The following PTPRD variants were observed in gnomAD, a reference collection of about 807,000 sequenced individuals.
PTPRD encodes the protein protein tyrosine phosphatase receptor type D.
In PTPRD, 34 loss-of-function variants were observed where a neutral mutation model predicts 214.5. The observed-to-expected ratio is 0.16, with a 90% CI of 0.12 to 0.21. PTPRD has a LOEUF of 0.21. Ranked by LOEUF, PTPRD falls within the 10% of genes least tolerant of loss-of-function variation. The probability of loss-of-function intolerance (pLI) is 1.00; values close to 1 mark genes in which losing one functional copy is unlikely to be tolerated. For missense variants in PTPRD, 2,545 were observed against 2,398.7 expected, an observed-to-expected ratio of 1.06 and a Z score of -1.27; for synonymous variants, 1,128 against 845.7, an observed-to-expected ratio of 1.33 and a Z score of -5.79.
intron 14 of PTPRD, among the ~76,000 whole-genome samples, chr9:8,628,198 G>C (rs1010444023): frequency 2.0e-5 from 3 of 151,650 alleles, no homozygotes; most frequent in South Asian, 4.2e-4. Flanking sequence ...TTCACAGCGG[G>C]GACAACTGTG....
chr9:9,034,429 T>C (rs556129544), intron 10 of PTPRD, among the ~76,000 whole-genome samples: 1 of 152,302 alleles, frequency 6.6e-6, no homozygotes, highest in Non-Finnish European at 1.5e-5. Context: ...GGGTTTAAAA[T>C]ACCTGCACTA....
At chr9:9,454,374 G>C (rs1385144259) in intron 8 of PTPRD, among the ~76,000 whole-genome samples, 4 of 151,708 alleles carry the variant, frequency 2.6e-5, no homozygotes, top group African/African-American at 9.7e-5. Context: ...TCCAGTATGA[G>C]TTGGCTCTAG....
At chr9:9,849,374 T>A (rs1264130703) in intron 5 of PTPRD, among the ~76,000 whole-genome samples, 1 of 152,114 alleles carries the variant, frequency 6.6e-6, no homozygotes, top group East Asian at 1.9e-4. Context: ...GAGAAGATTC[T>A]GATTATCAAT....
chr9:10,384,034 G>C (rs1008321403), intron 2 of PTPRD, among the ~76,000 whole-genome samples: 4 of 150,004 alleles, frequency 2.7e-5, no homozygotes, highest in African/African-American at 4.9e-5. Flanking sequence ...GAGAAGGGTA[G>C]TGCAGGGACT....
intron 3 of PTPRD, among the ~76,000 whole-genome samples, chr9:10,234,622 G>A (rs184482749): frequency 0.012 from 1,595 of 127,868 alleles, 15 homozygotes; most frequent in Non-Finnish European, 0.021. Flanking sequence ...AAAACTTCTG[G>A]AAATGCATTG....
At chr9:8,677,097 G>A (rs1033645073) in intron 12 of PTPRD, among the ~76,000 whole-genome samples, 1 of 152,168 alleles carries the variant, frequency 6.6e-6, no homozygotes, top group South Asian at 2.1e-4. Context: ...CATAAAGGAT[G>A]TTGCACTTTA....
At chr9:10,372,027 G>A (rs16925898) in intron 2 of PTPRD, among the ~76,000 whole-genome samples, 3,868 of 152,122 alleles carry the variant, frequency 0.025, 99 homozygotes, top group East Asian at 0.095. Flanking sequence ...GGGGAGTAGG[G>A]CACAGACAAA....
intron 3 of PTPRD, among the ~76,000 whole-genome samples, chr9:10,325,965 C>A (rs1437412700): frequency 6.6e-6 from 1 of 151,818 alleles, no homozygotes; most frequent in East Asian, 1.9e-4. Context: ...GCTTTCAGAT[C>A]ATTTTGTTTT....
intron 8 of PTPRD, among the ~76,000 whole-genome samples, chr9:9,493,501 T>C (rs1396245168): frequency 6.6e-6 from 1 of 152,032 alleles, no homozygotes; most frequent in Non-Finnish European, 1.5e-5. Flanking sequence ...AAGAAATACA[T>C]TTTGTGTCCG....
intron 11 of PTPRD, among the ~76,000 whole-genome samples, chr9:8,812,378 A>G (rs953246080): frequency 6.6e-6 from 1 of 152,238 alleles, no homozygotes; most frequent in African/African-American, 2.4e-5. Context: ...AACATTACTT[A>G]TAGACCTAGG....
intron 3 of PTPRD, among the ~76,000 whole-genome samples, chr9:10,080,466 T>C (rs1287191411): frequency 6.6e-6 from 1 of 151,902 alleles, no homozygotes; most frequent in Non-Finnish European, 1.5e-5. Flanking sequence ...AGTAGAGAAA[T>C]TAGAAATGCA....
At chr9:9,839,300 A>T (rs1359044538) in intron 5 of PTPRD, among the ~76,000 whole-genome samples, 1 of 151,940 alleles carries the variant, frequency 6.6e-6, no homozygotes, top group African/African-American at 2.4e-5. Context: ...TATCTAGAAA[A>T]CCCCATTGTC....
At chr9:8,912,555 A>G (rs774757399) in intron 11 of PTPRD, among the ~76,000 whole-genome samples, 56 of 152,172 alleles carry the variant, frequency 3.7e-4, no homozygotes, top group Non-Finnish European at 6.5e-4. Flanking sequence ...GGAATGCTAC[A>G]AAGCCTGATT....
chr9:8,330,635 T>C (rs79696255), intron 44 of PTPRD, among the ~76,000 whole-genome samples: 6,149 of 152,188 alleles, frequency 0.04, 404 homozygotes, highest in African/African-American at 0.14. Context: ...CAAAGGATGC[T>C]AGAAGGGACT....
chr9:9,175,630 A>AC (rs145486992), intron 10 of PTPRD, among the ~76,000 whole-genome samples: 4,456 of 141,742 alleles, frequency 0.031, 292 homozygotes, highest in African/African-American at 0.09. Context: ...CTCAAAAAAA[A>AC]AAAAAAAAAA....
chr9:10,371,995 A>C (rs2097634265), intron 2 of PTPRD, among the ~76,000 whole-genome samples: 1 of 152,078 alleles, frequency 6.6e-6, no homozygotes, highest in Non-Finnish European at 1.5e-5. Context: ...GCTAACAGCT[A>C]TTTATCAACC....
At chr9:9,577,609 C>T (rs370187892) in intron 7 of PTPRD, among the ~76,000 whole-genome samples, 17 of 151,980 alleles carry the variant, frequency 1.1e-4, no homozygotes, top group Admixed American at 4.6e-4. Context: ...TATTTTAACA[C>T]GATGTGCATA....
chr9:8,921,682 C>G (rs2098828915), intron 11 of PTPRD, among the ~76,000 whole-genome samples: 2 of 151,810 alleles, frequency 1.3e-5, no homozygotes, highest in Non-Finnish European at 2.9e-5. Flanking sequence ...TTAGTAGAGA[C>G]AGGGTTTCAC....
intron 3 of PTPRD, among the ~76,000 whole-genome samples, chr9:10,195,450 T>G (rs2154327928): frequency 6.6e-6 from 1 of 152,252 alleles, no homozygotes; most frequent in South Asian, 2.1e-4. Flanking sequence ...GTGACTGTTT[T>G]CTGGCCAATG....
Sources: allele counts gnomAD v4.1 joint callset (sites outside exome capture counted in the v4.1 genomes callset), GRCh38; gene constraint gnomAD v4.1.1; transcripts MANE v1.5; gene names NCBI Gene and HGNC (gene_info 2026-07-23, HGNC 2026-07-21).